GAB2: variants seen among roughly 807,000 people sequenced by gnomAD.
The protein encoded by GAB2 is GRB2 associated binding protein 2.
A neutral mutation model predicts 65.5 loss-of-function variants in GAB2; 26 were observed. The ratio of observed to expected loss-of-function variants is 0.40; its 90% CI spans 0.29 to 0.55. The LOEUF (loss-of-function observed/expected upper bound fraction) is 0.55. GAB2 is among the 20% of genes least tolerant of loss of function. GAB2 has a pLI of 0.53. For missense variants in GAB2, 884 were observed against 875.8 expected (o/e 1.01, Z -0.12); for synonymous variants, 321 against 329.6 (o/e 0.97, Z 0.28).
rs371192189 is a variant in GAB2 at position 78,416,922 on chromosome 11, C to T, written c.75+724G>A. On this transcript the variant is annotated intron_variant, in intron 1 of 9. Transcript: ENST00000361507. ...ACTGTCGGTTGGCAACACCTGGCCG[C>T]GGAGAGCCTCGATCTCTCCCGACCC... Among the ~76,000 whole-genome samples, 13 of 152,278 alleles carry T rather than the reference C, an allele frequency of 8.5e-5. No homozygotes were observed. In the East Asian group the frequency reaches 2.5e-3, roughly 29 times the overall value.
intron 1 of GAB2, among the ~76,000 whole-genome samples, chr11:78,344,498 T>A: frequency 6.6e-6 from 1 of 152,254 alleles, no homozygotes; most frequent in East Asian, 1.9e-4. Flanking sequence ...ATATTCTCTT[T>A]TAAATATTGC....
intron 1 of GAB2, among the ~76,000 whole-genome samples, chr11:78,325,031 C>T (rs536928880): frequency 7.9e-5 from 12 of 152,270 alleles, no homozygotes; most frequent in Admixed American, 3.9e-4. Context: ...AATTGGCAAA[C>T]GATGCAAACC....
chr11:78,302,195 C>G (rs1867041517), intron 1 of GAB2, among the ~76,000 whole-genome samples: 1 of 152,088 alleles, frequency 6.6e-6, no homozygotes, highest in Non-Finnish European at 1.5e-5. Flanking sequence ...ATAGCTGGGA[C>G]TTAATTAAAC....
intron 1 of GAB2, among the ~76,000 whole-genome samples, chr11:78,402,222 T>C (rs935178073): frequency 6.6e-6 from 1 of 152,102 alleles, no homozygotes; most frequent in African/African-American, 2.4e-5. Context: ...ACTCTCTTAG[T>C]GGTCCCTCTA....
intron 1 of GAB2, among the ~76,000 whole-genome samples, chr11:78,300,695 GTTT>G (rs769243672): frequency 8.8e-6 from 1 of 113,254 alleles, no homozygotes; most frequent in African/African-American, 3.2e-5. Flanking sequence ...GTTTTTTTTT[GTTT>G]TTTTTTTTTT....
chr11:78,319,934 G>T (rs574985735), intron 1 of GAB2, among the ~76,000 whole-genome samples: 1 of 151,352 alleles, frequency 6.6e-6, no homozygotes, highest in African/African-American at 2.4e-5. Flanking sequence ...GGAGTGCACC[G>T]GTGTGATCTC....
At chr11:78,417,231 C>T (rs914869203) in intron 1 of GAB2, among the ~76,000 whole-genome samples, 2 of 152,020 alleles carry the variant, frequency 1.3e-5, no homozygotes, top group Non-Finnish European at 2.9e-5. Flanking sequence ...CCGCGCGGCC[C>T]CACAGCCTAC....
At chr11:78,273,988 G>A (rs1414268957) in intron 2 of GAB2, among the ~76,000 whole-genome samples, 7 of 150,204 alleles carry the variant, frequency 4.7e-5, no homozygotes, top group Non-Finnish European at 7.4e-5. Flanking sequence ...TGGAACTGTA[G>A]GTCTATTAAA....
intron 1 of GAB2, among the ~76,000 whole-genome samples, chr11:78,303,096 A>T (rs1167002879): frequency 6.6e-6 from 1 of 152,186 alleles, no homozygotes; most frequent in Non-Finnish European, 1.5e-5. Context: ...GGTTCAGTGT[A>T]TACTGCTCGG....
chr11:78,270,067 C>T (rs1590984540), intron 2 of GAB2, among the ~76,000 whole-genome samples: 1 of 152,108 alleles, frequency 6.6e-6, no homozygotes, highest in East Asian at 1.9e-4. Flanking sequence ...TATCGATGTA[C>T]AGATAGCACT....
chr11:78,392,255 AAG>A lies in GAB2; in HGVS notation c.75+25389_75+25390del, dbSNP rs1460811954. ...TCCTTCTCGAACAAAAAAAAAAAAG[AAG>A]AAGAAGAAGAAAACTGTATTTTCTT... On this transcript the variant is annotated intron_variant, in intron 1 of 9. Transcript: ENST00000361507. The A allele has an allele frequency of 1.3e-3, 196 of 149,770 alleles. 1 individual carries two copies. Among genetic ancestry groups the A allele is most frequent in the African/African-American group, 4.2e-3 (171 of 40,604 alleles). The allele number at this position is 149,770 out of a possible 1,614,324, so 9.3% of individuals were successfully genotyped here.
Position 78,228,617 on chromosome 11 carries a change from G to A in GAB2, c.621-1566C>T, listed in dbSNP as rs115210225. On this transcript the variant is annotated intron_variant, in intron 3 of 9. Coordinates refer to ENST00000361507, the MANE Select transcript of GAB2 (RefSeq NM_080491.3). ...CAGAGCTTAGAAAGAGGAAACAGGTGTGTAAAGCCAGGCTTCCTCTCATGT... is the reference window on the plus strand; with the variant it reads ...CAGAGCTTAGAAAGAGGAAACAGGTATGTAAAGCCAGGCTTCCTCTCATGT... 5.3e-3 allele frequency among the ~76,000 whole-genome samples: 813 copies of A among 152,326 alleles called. 13 individuals carry two copies. Among genetic ancestry groups the A allele is most frequent in the African/African-American group, 0.019 (770 of 41,574 alleles).
At chr11:78,291,637 A>T (rs1259345775) in intron 1 of GAB2, among the ~76,000 whole-genome samples, 1 of 136,250 alleles carries the variant, frequency 7.3e-6, no homozygotes, top group Non-Finnish European at 1.5e-5. Flanking sequence ...AGTGGCGCAA[A>T]CATGGCTCAC....
chr11:78,219,718 T>C (rs1864324286), intron 9 of GAB2, among the ~76,000 whole-genome samples: 1 of 152,202 alleles, frequency 6.6e-6, no homozygotes, highest in Admixed American at 6.5e-5. Flanking sequence ...CCTTCATCTC[T>C]GCCTCCACCC....
intron 2 of GAB2, among the ~76,000 whole-genome samples, chr11:78,263,659 C>T (rs1442833257): frequency 6.8e-6 from 1 of 148,106 alleles, no homozygotes; most frequent in Non-Finnish European, 1.5e-5. Context: ...AAAAAATCAA[C>T]AGTCTAATAT....
chr11:78,295,845 T>G (rs1050539518), intron 1 of GAB2, among the ~76,000 whole-genome samples: 1 of 152,074 alleles, frequency 6.6e-6, no homozygotes, highest in African/African-American at 2.4e-5. Flanking sequence ...TGAGTATAGG[T>G]GACTCTTGTT....
chr11:78,250,481 A>G, intron 2 of GAB2, 81 bp from the exon 3 acceptor site: 1 of 1,265,536 alleles, frequency 7.9e-7, no homozygotes, highest in Admixed American at 1.7e-5. Context: ...GAGGAAGAAA[A>G]AAGAGTAAGA....
intron 1 of GAB2, among the ~76,000 whole-genome samples, chr11:78,331,283 G>T (rs919590422): frequency 1.4e-5 from 2 of 141,276 alleles, no homozygotes; most frequent in Non-Finnish European, 3.0e-5. Flanking sequence ...GTCTCGCTCT[G>T]TTGCCAGGCT....
chr11:78,303,051 T>C (rs569345814), intron 1 of GAB2, among the ~76,000 whole-genome samples: 1 of 151,656 alleles, frequency 6.6e-6, no homozygotes, highest in Non-Finnish European at 1.5e-5. Context: ...CGGGAAAGGG[T>C]GAGAGGAGGG....
Sources: allele counts gnomAD v4.1 joint callset (sites outside exome capture counted in the v4.1 genomes callset), GRCh38; gene constraint gnomAD v4.1.1; transcripts MANE v1.5; gene names NCBI Gene and HGNC (gene_info 2026-07-23, HGNC 2026-07-21).